ZCCHC4: variants seen among roughly 807,000 people sequenced by gnomAD.
ZCCHC4 encodes zinc finger CCHC-type containing 4, also known as rRNA N(6)-adenosine-methyltransferase ZCCHC4.
ZCCHC4 carries 54 observed loss-of-function variants against 67.7 expected under a neutral mutation model. The observed-to-expected ratio is 0.80, with a 90% CI of 0.64 to 1.00. ZCCHC4 has a LOEUF of 1.00. Ranked by LOEUF, ZCCHC4 falls within the 50% of genes least tolerant of loss-of-function variation. ZCCHC4 has a pLI of 0.00. For synonymous variants in ZCCHC4, 198 were observed against 213.5 expected, an observed-to-expected ratio of 0.93 and a Z score of 0.63; for missense variants, 609 against 617.0, an observed-to-expected ratio of 0.99 and a Z score of 0.14.
Position 25,337,542 on chromosome 4 carries a change from G to A in ZCCHC4, c.686+3554G>A, listed in dbSNP as rs568517748. ...GCTGGGGTCACTTGCCTATTCCAGA[G>A]CCATCACTGTGGCCTGGCAGATGGG... is the stretch of plus-strand genomic sequence containing the variant. On this transcript the variant is annotated intron_variant, in intron 5 of 12. Transcript: ENST00000302874. 2.6e-5 allele frequency among the ~76,000 whole-genome samples: 4 copies of A among 152,276 alleles called. No homozygotes were observed. The South Asian group carries it at 8.3e-4, about 32-fold the overall frequency.
At chr4:25,338,695 T>G (rs943814254) in intron 5 of ZCCHC4, among the ~76,000 whole-genome samples, 8 of 152,242 alleles carry the variant, frequency 5.3e-5, no homozygotes, top group African/African-American at 1.9e-4. Flanking sequence ...GCATAAAGTT[T>G]TTGAGGTTCA....
At position 25,352,227 on chromosome 4, in the gene ZCCHC4, C is replaced by A. The variant is rs148070923; in HGVS notation, c.1011+538C>A. 4.2e-3 allele frequency: 4,163 copies of A among 985,446 alleles called. 14 individuals carry two copies. The highest frequency in any genetic ancestry group is 4.7e-3 in the Non-Finnish European group (3,869 of 829,994). The allele number at this position is 985,446 out of a possible 1,614,324, so 61.0% of individuals were successfully genotyped here. ...AGGAAGTTACTGGAGTGAGTAACTT[C>A]ACAGCAATGACTATGGAATTTTCCC... On this transcript the variant is annotated intron_variant, in intron 8 of 12. Transcript: ENST00000302874.
In ZCCHC4 at chr4:25,318,743, CA is replaced by C. The variant is rs1341745906; in HGVS notation, c.329+3347del. 5.3e-5 allele frequency among the ~76,000 whole-genome samples: 8 copies of C among 151,956 alleles called. No homozygotes were observed. In the East Asian group the frequency reaches 9.7e-4, roughly 18 times the overall value. ...TTCATATTTTATATTAATTAGAACA[CA>C]AAAGCTGGGTAAAATATGAATTATT... On this transcript the variant is annotated intron_variant, in intron 3 of 12. Coordinates refer to ENST00000302874, the MANE Select transcript of ZCCHC4 (RefSeq NM_024936.3).
Position 25,361,853 on chromosome 4 carries a change from T to G in ZCCHC4, c.1012-6T>G, listed in dbSNP as rs753274465. ...TTTCTTTCTGCTCTAATTTTTAACT[T>G]TCTAGGTAGATTATGATAATCATGC... On this transcript the variant is annotated splice_polypyrimidine_tract_variant and splice_region_variant and intron_variant, in intron 8 of 12. Transcript: ENST00000302874. The G allele has an allele frequency of 6.3e-7, 1 of 1,599,638 alleles. No individual in the cohort carries two copies. The highest frequency in any genetic ancestry group is 8.5e-7 in the Non-Finnish European group (1 of 1,172,776).
intron 8 of ZCCHC4, among the ~76,000 whole-genome samples, chr4:25,356,891 A>G (rs547049127): frequency 2.6e-5 from 4 of 152,324 alleles, no homozygotes; most frequent in South Asian, 2.1e-4. Context: ...TAACATATTC[A>G]TAGAATTTTC....
Position 25,364,343 on chromosome 4 carries a change from G to A in ZCCHC4, c.1210-111G>A, listed in dbSNP as rs111929311. On this transcript the variant is annotated intron_variant, in intron 10 of 12. Coordinates refer to ENST00000302874, the MANE Select transcript of ZCCHC4 (RefSeq NM_024936.3). ...TGAAGCCCAGAAAAGGCAGAAATAA[G>A]GAGTGAATAATTTACACAGATTTTA... The A allele has an allele frequency of 4.5e-5, 35 of 782,768 alleles. 2 individuals are homozygous for A. Among genetic ancestry groups the A allele is most frequent in the African/African-American group, 3.6e-4 (20 of 54,904 alleles). The allele number at this position is 782,768 out of a possible 1,614,324, so 48.5% of individuals were successfully genotyped here.
chr4:25,351,645 C>A lies in ZCCHC4; in HGVS notation c.967C>A (p.Arg323=). 6.2e-6 allele frequency: 10 copies of A among 1,611,946 alleles called. No individual in the cohort carries two copies. The South Asian group carries it at 1.1e-4, about 18-fold the overall frequency. The change falls in exon 8 of 13, where the codon CGA becomes AGA. Residue 323 remains arginine, a synonymous_variant. Transcript: ENST00000302874. The part of the protein sequence containing the change: ...FWIFPYFFES[R]ICQFFPSFQM... ...GATTTTCCCCTATTTTTTTGAATCCCGAATTTGTCAGTTTTTTCCAAGCTT... is the reference window on the plus strand; with the variant it reads ...GATTTTCCCCTATTTTTTTGAATCCAGAATTTGTCAGTTTTTTCCAAGCTT...
intron 3 of ZCCHC4, among the ~76,000 whole-genome samples, chr4:25,330,446 C>G (rs1027964229): frequency 6.6e-6 from 1 of 152,112 alleles, no homozygotes; most frequent in African/African-American, 2.4e-5. Context: ...GGGACAGTTA[C>G]TTGTTGTAGT....
Position 25,314,158 on chromosome 4 carries a change from T to A in ZCCHC4, c.240T>A (p.Asp80Glu), listed in dbSNP as rs1718117348. 1 of 1,579,190 alleles carries A rather than the reference T, an allele frequency of 6.3e-7. No homozygotes were observed. The highest frequency in any genetic ancestry group is 8.6e-7 in the Non-Finnish European group (1 of 1,162,722). The change falls in exon 2 of 13, where the codon GAT (aspartate) becomes GAA (glutamate). Residue 80 changes from aspartate (D) to glutamate (E), a missense_variant. Transcript: ENST00000302874. ...ACTGTAATTTTTTTCAGTGGGAAGA[T>A]GAAAAGGTATATCAACTTTTTGGAT... ...RKDCNFFQWE[D>E]EKLSGARLAA... is the part of the protein sequence containing the mutation.
At position 25,366,233 on chromosome 4, in the gene ZCCHC4, A is replaced by C. The variant is rs78395868; in HGVS notation, c.1406+1067A>C. 3.3e-3 allele frequency: 3,080 copies of C among 923,878 alleles called. 139 individuals are homozygous for C. The East Asian group carries it at 0.15, about 45-fold the overall frequency. The allele number at this position is 923,878 out of a possible 1,614,324, so 57.2% of individuals were successfully genotyped here. A position where few individuals can be genotyped will look rare whatever the true frequency, so the allele number is the denominator to read the frequency against. ...ACTGCCTCGTTCCTACATTTACTCTACTTTAAATAATTATTTCCACTGAGT... is the reference window on the plus strand; with the variant it reads ...ACTGCCTCGTTCCTACATTTACTCTCCTTTAAATAATTATTTCCACTGAGT... On this transcript the variant is annotated intron_variant, in intron 12 of 12. Transcript: ENST00000302874.
rs1378273413 is a variant in ZCCHC4, at chr4:25,359,503, T to A, written c.1012-2356T>A. On this transcript the variant is annotated intron_variant, in intron 8 of 12. Coordinates refer to ENST00000302874, the MANE Select transcript of ZCCHC4 (RefSeq NM_024936.3). The surrounding 1 kb of genome is among the most constrained non-coding windows in gnomAD (Gnocchi z 4.9). Reference sequence around the variant, plus strand: ...GTTGTCTTGGCCAGAGACCGCCACCTGGTCTGATACCAAGGAGGCTGTTGG... The same window carrying A: ...GTTGTCTTGGCCAGAGACCGCCACCAGGTCTGATACCAAGGAGGCTGTTGG... Among the ~76,000 whole-genome samples the A allele has an allele frequency of 2.0e-5, 3 of 152,186 alleles. No individual in the cohort carries two copies. The highest frequency in any genetic ancestry group is 3.9e-4 in the East Asian group (2 of 5,184).
intron 3 of ZCCHC4, among the ~76,000 whole-genome samples, chr4:25,332,693 A>C (rs10030386): frequency 6.3e-4 from 96 of 152,340 alleles, no homozygotes; most frequent in African/African-American, 2.1e-3. Flanking sequence ...TACTGCTAAG[A>C]ACAGAGGAGC....
At chr4:25,315,454 A>G in intron 3 of ZCCHC4, 54 bp downstream of exon 3, 1 of 1,386,200 alleles carries the variant, frequency 7.2e-7, no homozygotes, top group Non-Finnish European at 9.8e-7. Flanking sequence ...TTTTTTTGTT[A>G]TTGCCTTTTT....
chr4:25,352,190 G>C (rs143600157), intron 8 of ZCCHC4: 1 of 985,560 alleles, frequency 1.0e-6, no homozygotes, highest in African/African-American at 1.7e-5. Context: ...GTGTGAATGT[G>C]TTGATTCCGG....
At chr4:25,322,946 T>C (rs1052638406) in intron 3 of ZCCHC4, among the ~76,000 whole-genome samples, 2 of 152,246 alleles carry the variant, frequency 1.3e-5, no homozygotes, top group Admixed American at 1.3e-4. Flanking sequence ...TCAACACTCC[T>C]GTTTCCACCT....
intron 3 of ZCCHC4, among the ~76,000 whole-genome samples, chr4:25,326,789 A>G (rs1049414740): frequency 6.6e-6 from 1 of 152,152 alleles, no homozygotes; most frequent in Non-Finnish European, 1.5e-5. Flanking sequence ...GGGAGAATTG[A>G]CATCTTAATA....
intron 4 of ZCCHC4, 149 bp downstream of exon 4, chr4:25,333,607 T>A (rs924804916): frequency 5.8e-6 from 5 of 859,016 alleles, no homozygotes; most frequent in Admixed American, 5.7e-5. Flanking sequence ...CTTAAGGAGT[T>A]TGCAACCTGT....
Position 25,361,904 on chromosome 4 carries a change from C to T in ZCCHC4, c.1057C>T (p.Arg353Ter), listed in dbSNP as rs778139446. The T allele has an allele frequency of 4.3e-6, 7 of 1,613,704 alleles. No individual in the cohort carries two copies. The highest frequency in any genetic ancestry group is 1.1e-5 in the South Asian group (1 of 90,972). Reference protein sequence around the residue: ...HALYKHGKTGRKQSPVRIFTN... With the variant: ...HALYKHGKTG Reference sequence around the variant, plus strand: ...ACTTTATAAACACGGAAAGACAGGTCGAAAACAGTCTCCCGTGCGTATTTT... The same window carrying T: ...ACTTTATAAACACGGAAAGACAGGTTGAAAACAGTCTCCCGTGCGTATTTT... The change falls in exon 9 of 13, where the codon CGA (arginine) becomes TGA (stop). Residue 353 changes from arginine to a stop codon, truncating the protein, a stop_gained. Coordinates refer to ENST00000302874, the MANE Select transcript of ZCCHC4 (RefSeq NM_024936.3). LOFTEE classifies it high-confidence loss of function.
chr4:25,341,788 G>C (rs555138475), intron 5 of ZCCHC4, among the ~76,000 whole-genome samples: 3 of 152,280 alleles, frequency 2.0e-5, no homozygotes, highest in African/African-American at 7.2e-5. Flanking sequence ...ACTTAGTAGT[G>C]TTAAGTAAAT....
Sources: allele counts gnomAD v4.1 joint callset (sites outside exome capture counted in the v4.1 genomes callset), GRCh38; gene constraint gnomAD v4.1.1; non-coding constraint Gnocchi (gnomAD v3.1); transcripts MANE v1.5; gene names NCBI Gene and HGNC (gene_info 2026-07-23, HGNC 2026-07-21).